CYTH3: variants seen among roughly 807,000 people sequenced by gnomAD.
The protein encoded by CYTH3 is cytohesin-3.
A neutral mutation model predicts 55.1 loss-of-function variants in CYTH3; 23 were observed. The ratio of observed to expected loss-of-function variants is 0.42; its 90% CI spans 0.30 to 0.59. The LOEUF (loss-of-function observed/expected upper bound fraction) is 0.59, where lower values mean the gene tolerates loss of function less well. Ranked by LOEUF, CYTH3 falls within the 20% of genes least tolerant of loss-of-function variation. The pLI is 0.20. For synonymous variants in CYTH3, 249 were observed against 194.9 expected (o/e 1.28, Z -2.31); for missense variants, 413 against 524.8 (o/e 0.79, Z 2.08).
chr7:6,186,859 C>A (rs534505245), intron 4 of CYTH3, among the ~76,000 whole-genome samples, 191 bp downstream of exon 4: 5 of 152,208 alleles, frequency 3.3e-5, no homozygotes, highest in Non-Finnish European at 7.3e-5. Flanking sequence ...CCCAGGGCAC[C>A]AGCCCTACAA....
intron 1 of CYTH3, among the ~76,000 whole-genome samples, chr7:6,193,158 C>G (rs1373264726): frequency 6.6e-6 from 1 of 151,888 alleles, no homozygotes; most frequent in Non-Finnish European, 1.5e-5. Context: ...GGTGACAGAG[C>G]GAGAGTCCGT....
At chr7:6,269,752 C>G (rs916244499) in intron 1 of CYTH3, among the ~76,000 whole-genome samples, 4 of 152,182 alleles carry the variant, frequency 2.6e-5, no homozygotes, top group Admixed American at 2.0e-4. Flanking sequence ...ATTCATGCCA[C>G]CATCCTCTCT....
At chr7:6,224,315 TAAAA>T (rs11458182) in intron 1 of CYTH3, among the ~76,000 whole-genome samples, 8 of 86,642 alleles carry the variant, frequency 9.2e-5, no homozygotes, top group East Asian at 2.8e-4. Context: ...CAAAAATAGG[TAAAA>T]AAAAAAAAAA....
At chr7:6,185,679 A>C (rs1206658770) in intron 4 of CYTH3, among the ~76,000 whole-genome samples, 1 of 149,434 alleles carries the variant, frequency 6.7e-6, no homozygotes, top group Non-Finnish European at 1.5e-5. Context: ...CAGCCTGGGC[A>C]ACAGAGTTAG....
At chr7:6,259,810 TATAATATATATATATATATATA>T (rs1780293651) in intron 1 of CYTH3, among the ~76,000 whole-genome samples, 5 of 30,004 alleles carry the variant, frequency 1.7e-4, no homozygotes, top group African/African-American at 1.3e-3. Flanking sequence ...TATATATATA[TATAATATATATATATATATATA>T]TTTTTTTTTT....
At chr7:6,230,421 G>A (rs543985557) in intron 1 of CYTH3, among the ~76,000 whole-genome samples, 1 of 152,246 alleles carries the variant, frequency 6.6e-6, no homozygotes, top group Non-Finnish European at 1.5e-5. Context: ...AATAACTAAT[G>A]CAAATCCCAA....
intron 1 of CYTH3, among the ~76,000 whole-genome samples, chr7:6,232,785 T>C (rs1042294898): frequency 7.9e-5 from 12 of 152,176 alleles, no homozygotes; most frequent in Non-Finnish European, 5.9e-5. Context: ...TTCCTGTAGG[T>C]TCTGTAACTT....
At chr7:6,244,994 G>C (rs1006093620) in intron 1 of CYTH3, among the ~76,000 whole-genome samples, 2 of 46,010 alleles carry the variant, frequency 4.3e-5, no homozygotes, top group Non-Finnish European at 8.6e-5. Context: ...TTTTTTTTTT[G>C]TATTTTTAGT....
At chr7:6,196,692 C>G (rs947163564) in intron 1 of CYTH3, among the ~76,000 whole-genome samples, 1 of 152,088 alleles carries the variant, frequency 6.6e-6, no homozygotes, top group African/African-American at 2.4e-5. Flanking sequence ...AACTCCTGAC[C>G]TCAGGTGATC....
In CYTH3 at chr7:6,162,778, T is replaced by C. The variant is rs772709481; in HGVS notation, c.*2166A>G. 2 of 152,420 alleles carry C rather than the reference T, an allele frequency of 1.3e-5. No individual in the cohort carries two copies. Among genetic ancestry groups the C allele is most frequent in the Admixed American group, 6.5e-5 (1 of 15,282 alleles). 9.4% of individuals were successfully genotyped at this position (152,420 alleles called of 1,614,324 possible). ...TGATCATCTGGCGACTCCTTCCTGC[T>C]GCTTCTCCCAACACCCAAAACAGAA... On this transcript the variant is annotated 3_prime_UTR_variant, in exon 13 of 13. Coordinates refer to ENST00000350796, the MANE Select transcript of CYTH3 (RefSeq NM_004227.4).
chr7:6,260,800 T>C (rs7777433), intron 1 of CYTH3, among the ~76,000 whole-genome samples: 36,552 of 151,978 alleles, frequency 0.24, 8,832 homozygotes, highest in African/African-American at 0.63. Flanking sequence ...CAACTCTCTT[T>C]CCTATGTGAG....
chr7:6,165,603 C>CT lies in CYTH3; in HGVS notation c.913dup (p.Arg305LysfsTer24). On this transcript the variant is annotated frameshift_variant, in exon 11 of 13. Transcript: ENST00000350796. LOFTEE classifies it high-confidence loss of function. The stretch of plus-strand genomic sequence containing the variant: ...GAGGTTTTCCAACGGGATGATTCCC[C>CT]TGGGCTCCTTATCCTACAAGAGGAA... The CT allele has an allele frequency of 6.2e-7, 1 of 1,614,082 alleles. No individual in the cohort carries two copies.
intron 1 of CYTH3, among the ~76,000 whole-genome samples, chr7:6,200,365 A>G (rs1319312867): frequency 6.6e-6 from 1 of 152,222 alleles, no homozygotes; most frequent in Non-Finnish European, 1.5e-5. Context: ...TCCTGGAGAA[A>G]GATGGAGTTT....
rs1230921435 is a variant in CYTH3 at position 6,163,497 on chromosome 7, C to A, written c.*1447G>T. The A allele has an allele frequency of 2.0e-5, 3 of 152,482 alleles. No homozygotes were observed. The highest frequency in any genetic ancestry group is 4.4e-5 in the Non-Finnish European group (3 of 68,256). The allele number at this position is 152,482 out of a possible 1,614,324, so 9.4% of individuals were successfully genotyped here. On this transcript the variant is annotated 3_prime_UTR_variant, in exon 13 of 13. Coordinates refer to ENST00000350796, the MANE Select transcript of CYTH3 (RefSeq NM_004227.4). ...ACAGAGAACAGCGTCTGCCACCGGC[C>A]CGGGTCGGCCCAAGCACACAATGCC...
intron 1 of CYTH3, among the ~76,000 whole-genome samples, chr7:6,246,315 C>T (rs929486003): frequency 1.3e-5 from 2 of 152,034 alleles, no homozygotes; most frequent in African/African-American, 4.8e-5. Flanking sequence ...GTGTTCCTCC[C>T]GCCTCAACTC....
chr7:6,169,914 C>G lies in CYTH3; in HGVS notation c.823+621G>C, dbSNP rs951531126. 2.6e-5 allele frequency among the ~76,000 whole-genome samples: 4 copies of G among 152,196 alleles called. No individual in the cohort carries two copies. The highest frequency in any genetic ancestry group is 7.2e-5 in the African/African-American group (3 of 41,444). ...GTCCCAGCCACTCTCAGCCCCGCCC[C>G]TGGGGGTGGGTGTAGCATTCACCAC... On this transcript the variant is annotated intron_variant, in intron 9 of 12. Transcript: ENST00000350796. This position sits in a 1 kb window ranked among gnomAD's most constrained non-coding sequence, Gnocchi z 4.1.
intron 1 of CYTH3, among the ~76,000 whole-genome samples, chr7:6,255,223 C>T (rs1313412341): frequency 3.3e-5 from 5 of 152,124 alleles, no homozygotes; most frequent in Non-Finnish European, 7.3e-5. Context: ...AAAAATATGT[C>T]AATACCAAAT....
chr7:6,256,658 A>T (rs1221378791), intron 1 of CYTH3, among the ~76,000 whole-genome samples: 3 of 152,254 alleles, frequency 2.0e-5, no homozygotes, highest in Non-Finnish European at 4.4e-5. Flanking sequence ...CCTAAAACAA[A>T]TGTCCAAGTA....
intron 4 of CYTH3, among the ~76,000 whole-genome samples, chr7:6,185,393 C>T (rs1447816728): frequency 2.0e-5 from 3 of 151,220 alleles, no homozygotes; most frequent in Non-Finnish European, 4.4e-5. Flanking sequence ...CGAGACCAGC[C>T]TGGCCAACGT....
Sources: allele counts gnomAD v4.1 joint callset (sites outside exome capture counted in the v4.1 genomes callset), GRCh38; gene constraint gnomAD v4.1.1; non-coding constraint Gnocchi (gnomAD v3.1); transcripts MANE v1.5; gene names NCBI Gene and HGNC (gene_info 2026-07-23, HGNC 2026-07-21).